The following DLGAP2 variants were observed in gnomAD, a reference collection of about 807,000 sequenced individuals.
DLGAP2 encodes DLG associated protein 2.
Under a neutral mutation model 100.3 loss-of-function variants are expected in DLGAP2, and 26 were observed. That is an observed-to-expected ratio of 0.26 (90% confidence interval 0.19 to 0.36). The LOEUF (loss-of-function observed/expected upper bound fraction) is 0.36. Among genes scored for constraint, DLGAP2 ranks in the 10% least tolerant of loss-of-function variants. The pLI, the probability that DLGAP2 is intolerant of heterozygous loss-of-function variation, is 1.00. For synonymous variants in DLGAP2, 886 were observed against 630.1 expected (o/e 1.41, Z -6.08); for missense variants, 1,858 against 1,453.2 (o/e 1.28, Z -4.53).
chr8:1,528,251 G>A (rs1056540487), intron 4 of DLGAP2, among the ~76,000 whole-genome samples: 1 of 152,166 alleles, frequency 6.6e-6, no homozygotes, highest in African/African-American at 2.4e-5. Flanking sequence ...CCAGGTCTAG[G>A]CCCAAGCAGG....
intron 1 of DLGAP2, among the ~76,000 whole-genome samples, chr8:859,527 G>C (rs1797349637): frequency 6.6e-6 from 1 of 152,098 alleles, no homozygotes; most frequent in South Asian, 2.1e-4. Flanking sequence ...CTAACTCTGT[G>C]GCTTAGTTTA....
chr8:848,301 C>T (rs572466374), intron 1 of DLGAP2, among the ~76,000 whole-genome samples: 20 of 150,968 alleles, frequency 1.3e-4, no homozygotes, highest in South Asian at 2.1e-4. Flanking sequence ...TAGAAACGTG[C>T]GGTGCCTGTT....
At chr8:924,226 C>T (rs1269804048) in intron 2 of DLGAP2, among the ~76,000 whole-genome samples, 1 of 152,184 alleles carries the variant, frequency 6.6e-6, no homozygotes, top group South Asian at 2.1e-4. Flanking sequence ...AAGGAGGTGA[C>T]GTTAATTCAG....
At chr8:1,332,379 A>G (rs1801177861) in intron 3 of DLGAP2, among the ~76,000 whole-genome samples, 1 of 151,824 alleles carries the variant, frequency 6.6e-6, no homozygotes, top group Non-Finnish European at 1.5e-5. Flanking sequence ...ATATCTGCAC[A>G]TGTGTGTTAG....
chr8:788,440 A>T (rs1256825276), intron 1 of DLGAP2, among the ~76,000 whole-genome samples: 1 of 152,162 alleles, frequency 6.6e-6, no homozygotes, highest in Non-Finnish European at 1.5e-5. Context: ...GTCTGTGTCC[A>T]CGTGGTCTGG....
At chr8:1,575,036 A>G (rs1194925555) in intron 6 of DLGAP2, among the ~76,000 whole-genome samples, 1 of 152,226 alleles carries the variant, frequency 6.6e-6, no homozygotes, top group Non-Finnish European at 1.5e-5. Context: ...CAAGCGAGGG[A>G]GAAACGCAAT....
chr8:1,265,630 A>G (rs1799435564), intron 3 of DLGAP2, among the ~76,000 whole-genome samples: 1 of 152,242 alleles, frequency 6.6e-6, no homozygotes, highest in Non-Finnish European at 1.5e-5. Context: ...AAGCCAGACA[A>G]GTACAGACAC....
At chr8:1,289,700 A>AC (rs569749671) in intron 3 of DLGAP2, among the ~76,000 whole-genome samples, 47 of 151,536 alleles carry the variant, frequency 3.1e-4, no homozygotes, top group African/African-American at 6.5e-4. Flanking sequence ...TCACAGAAGT[A>AC]CCCCCCCGAG....
chr8:1,121,486 T>G (rs915868686), intron 2 of DLGAP2, among the ~76,000 whole-genome samples: 1 of 151,976 alleles, frequency 6.6e-6, no homozygotes, highest in African/African-American at 2.4e-5. Flanking sequence ...CTAGAACCCA[T>G]GACCTCCCAT....
intron 6 of DLGAP2, among the ~76,000 whole-genome samples, chr8:1,589,611 T>C (rs115162691): frequency 0.013 from 2,018 of 152,268 alleles, 41 homozygotes; most frequent in African/African-American, 0.046. Flanking sequence ...ATTTTTGTTT[T>C]TGTTTTTGTT....
At chr8:1,516,093 ATGAGTGAC>A (rs1250720847) in intron 4 of DLGAP2, among the ~76,000 whole-genome samples, 1 of 150,520 alleles carries the variant, frequency 6.6e-6, no homozygotes, top group Admixed American at 6.6e-5. Context: ...GAGTGCATGA[ATGAGTGAC>A]TGAGTGAATG....
chr8:1,586,220 T>C (rs1796114465), intron 6 of DLGAP2, among the ~76,000 whole-genome samples: 1 of 152,228 alleles, frequency 6.6e-6, no homozygotes, highest in Non-Finnish European at 1.5e-5. Context: ...CGTTGGCCCT[T>C]CTTTCCGGGG....
At chr8:958,599 A>C (rs1187390272) in intron 2 of DLGAP2, among the ~76,000 whole-genome samples, 1 of 151,888 alleles carries the variant, frequency 6.6e-6, no homozygotes, top group Non-Finnish European at 1.5e-5. Context: ...AAAAAAAAAA[A>C]AAAAACTTTT....
At chr8:1,265,059 A>T (rs986454629) in intron 3 of DLGAP2, among the ~76,000 whole-genome samples, 2 of 152,196 alleles carry the variant, frequency 1.3e-5, no homozygotes, top group African/African-American at 2.4e-5. Flanking sequence ...TCTTTTTAAA[A>T]ATAAATTACC....
At chr8:1,534,012 A>T (rs1479747744) in intron 4 of DLGAP2, among the ~76,000 whole-genome samples, 2 of 152,266 alleles carry the variant, frequency 1.3e-5, no homozygotes, top group Non-Finnish European at 2.9e-5. Flanking sequence ...TGAAATAATT[A>T]TTAAAAGTCA....
chr8:1,408,945 G>C (rs116903994), intron 3 of DLGAP2, among the ~76,000 whole-genome samples: 500 of 152,336 alleles, frequency 3.3e-3, no homozygotes, highest in Non-Finnish European at 5.4e-3. Context: ...TGGAGACAGT[G>C]GACATTTAAT....
rs182216757 is a variant in DLGAP2, at chr8:1,629,623, A to C, written c.1590+2736A>C. Among the ~76,000 whole-genome samples, 93 of 152,400 alleles carry C rather than the reference A, an allele frequency of 6.1e-4. 1 individual carries two copies. Among genetic ancestry groups the C allele is most frequent in the Middle Eastern group, 6.8e-3 (2 of 294 alleles). On this transcript the variant is annotated intron_variant, in intron 7 of 14. Transcript: ENST00000637795. Reference sequence around the variant, plus strand: ...CCATACACAGAGATGAGGATACAGCAGACTTTCTTCTTTTAAAGCTATCAC... The same window carrying C: ...CCATACACAGAGATGAGGATACAGCCGACTTTCTTCTTTTAAAGCTATCAC...
In DLGAP2 at chr8:818,776, T is replaced by C. The variant is rs193237490; in HGVS notation, c.18+80951T>C. Among the ~76,000 whole-genome samples the C allele has an allele frequency of 1.1e-4, 16 of 152,344 alleles. No homozygotes were observed. The East Asian group carries it at 2.7e-3, about 26-fold the overall frequency. Reference sequence around the variant, plus strand: ...AGAGTATACAGTTAGTGAAAAATGTTATAGAATCATAAAGTTAGAAGAAAT... The same window carrying C: ...AGAGTATACAGTTAGTGAAAAATGTCATAGAATCATAAAGTTAGAAGAAAT... On this transcript the variant is annotated intron_variant, in intron 1 of 14. Transcript: ENST00000637795.
At chr8:950,134 C>T (rs1354885587) in intron 2 of DLGAP2, among the ~76,000 whole-genome samples, 1 of 152,146 alleles carries the variant, frequency 6.6e-6, no homozygotes, top group Non-Finnish European at 1.5e-5. Flanking sequence ...AGTGAAGTCA[C>T]CTGGAACGGG....
Sources: allele counts gnomAD v4.1 joint callset (sites outside exome capture counted in the v4.1 genomes callset), GRCh38; gene constraint gnomAD v4.1.1; transcripts MANE v1.5; gene names NCBI Gene and HGNC (gene_info 2026-07-23, HGNC 2026-07-21).